The following VPS13D variants were observed in gnomAD, a reference collection of about 807,000 sequenced individuals.
VPS13D encodes the protein vacuolar protein sorting 13 homolog D, also known as intermembrane lipid transfer protein VPS13D.
A neutral mutation model predicts 461.9 loss-of-function variants in VPS13D; 187 were observed. The observed-to-expected ratio is 0.40, with a 90% CI of 0.36 to 0.46. VPS13D has a LOEUF of 0.46. Ranked by LOEUF, VPS13D falls within the 20% of genes least tolerant of loss-of-function variation. The probability of loss-of-function intolerance (pLI) is 0.60; values close to 1 mark genes in which losing one functional copy is unlikely to be tolerated. For synonymous variants in VPS13D, 1,951 were observed against 1,986.3 expected (o/e 0.98, Z 0.47); for missense variants, 4,711 against 5,364.9 (o/e 0.88, Z 3.81).
Position 12,364,683 on chromosome 1 carries a change from C to T in VPS13D, c.10448+1436C>T, listed in dbSNP as rs147449705. Reference sequence around the variant, plus strand: ...TGACACAAGCCTTAAGTGATAGTCCCGCCTCTGTATAATGGGTATGAGGTG... The same window carrying T: ...TGACACAAGCCTTAAGTGATAGTCCTGCCTCTGTATAATGGGTATGAGGTG... On this transcript the variant is annotated intron_variant, in intron 52 of 69. Transcript: ENST00000620676. Among the ~76,000 whole-genome samples the T allele has an allele frequency of 8.5e-4, 130 of 152,284 alleles. 2 individuals are homozygous for T. Among genetic ancestry groups the T allele is most frequent in the African/African-American group, 3.0e-3 (126 of 41,552 alleles).
rs1640477829 is a variant in VPS13D, at chr1:12,244,379, G to A, written c.309G>A (p.Lys103=). The change falls in exon 4 of 70, where the codon AAG becomes AAA. Residue 103 remains lysine, a synonymous_variant. Coordinates refer to ENST00000620676, the MANE Select transcript of VPS13D (RefSeq NM_015378.4). ...KIQDFNDEKE[K]LLERERKKAL... The stretch of plus-strand genomic sequence containing the variant: ...AGGATTTCAATGATGAAAAGGAGAA[G>A]CTGTTGGAAAGGGAACGTAAGAAAG... The A allele has an allele frequency of 6.2e-7, 1 of 1,614,066 alleles. No homozygotes were observed. Among genetic ancestry groups the A allele is most frequent in the Non-Finnish European group, 8.5e-7 (1 of 1,180,036 alleles).
chr1:12,490,552 A>G (rs1370018062), intron 67 of VPS13D, among the ~76,000 whole-genome samples: 1 of 152,216 alleles, frequency 6.6e-6, no homozygotes, highest in East Asian at 1.9e-4. Context: ...GGCCAAGAGG[A>G]GGGAGCTACA....
intron 57 of VPS13D, among the ~76,000 whole-genome samples, chr1:12,381,968 T>G (rs868734760): frequency 7.1e-6 from 1 of 141,656 alleles, no homozygotes; most frequent in Non-Finnish European, 1.5e-5. Flanking sequence ...CTTTCTTTCT[T>G]TCTTTCTTTC....
chr1:12,397,565 A>G lies in VPS13D; in HGVS notation c.11635-2616A>G, dbSNP rs535438296. ...TTCAGTCCATTCTTACTGAGCATCA[A>G]GTGTGTGCCCGACACTGTACTAGGT... On this transcript the variant is annotated intron_variant, in intron 60 of 69. Coordinates refer to ENST00000620676, the MANE Select transcript of VPS13D (RefSeq NM_015378.4). 3.9e-5 allele frequency among the ~76,000 whole-genome samples: 6 copies of G among 152,318 alleles called. No homozygotes were observed. In the East Asian group the frequency reaches 5.8e-4, roughly 15 times the overall value.
chr1:12,234,021 C>G (rs1014029722), intron 1 of VPS13D, among the ~76,000 whole-genome samples, 170 bp from the exon 2 acceptor site: 3 of 152,198 alleles, frequency 2.0e-5, no homozygotes, highest in African/African-American at 4.8e-5. Flanking sequence ...GCACCCCAGC[C>G]TGGGTGACGA....
intron 67 of VPS13D, among the ~76,000 whole-genome samples, chr1:12,479,382 A>G (rs984641250): frequency 2.6e-5 from 4 of 152,186 alleles, no homozygotes; most frequent in Non-Finnish European, 5.9e-5. Flanking sequence ...TCACTTCCAG[A>G]TTGCTGCTTG....
chr1:12,386,754 A>C (rs1333557810), intron 60 of VPS13D, among the ~76,000 whole-genome samples: 1 of 152,252 alleles, frequency 6.6e-6, no homozygotes, highest in Non-Finnish European at 1.5e-5. Context: ...ATCCAGATAA[A>C]TAAGAAGACA....
intron 67 of VPS13D, chr1:12,464,805 A>G (rs1427068995): frequency 2.6e-5 from 4 of 152,242 alleles, no homozygotes; most frequent in Non-Finnish European, 4.4e-5. Flanking sequence ...TGTTCACTGT[A>G]CAAGTATGTG....
At chr1:12,270,785 G>A (rs774620338) in intron 16 of VPS13D, among the ~76,000 whole-genome samples, 25 of 152,012 alleles carry the variant, frequency 1.6e-4, no homozygotes, top group Non-Finnish European at 3.7e-4. Context: ...GCGTGATCAC[G>A]GCTCACTGCA....
At chr1:12,265,060 G>A (rs934696564) in intron 13 of VPS13D, among the ~76,000 whole-genome samples, 1 of 152,086 alleles carries the variant, frequency 6.6e-6, no homozygotes, top group Non-Finnish European at 1.5e-5. Flanking sequence ...GATGATGCCA[G>A]TACATCTGTT....
rs554276239 is a variant in VPS13D, at chr1:12,372,157, G to A, written c.10809-1593G>A. On this transcript the variant is annotated intron_variant, in intron 54 of 69. Transcript: ENST00000620676. ...CATCCTCAACCTCCTAGGATCAAAC[G>A]GTCCTCCTGCTTCAGCCTCTCTCAT... Among the ~76,000 whole-genome samples the A allele has an allele frequency of 2.4e-4, 36 of 152,174 alleles. No homozygotes were observed. The South Asian group carries it at 6.6e-3, about 28-fold the overall frequency.
rs1458137146 is a variant in VPS13D, at chr1:12,473,575, T to G, written c.12662+13179T>G. On this transcript the variant is annotated intron_variant, in intron 67 of 69. Coordinates refer to ENST00000620676, the MANE Select transcript of VPS13D (RefSeq NM_015378.4). The surrounding 1 kb of genome is among the most constrained non-coding windows in gnomAD (Gnocchi z 4.2). ...ATGCCTACCTCGGTGGGTGGTTACG[T>G]GGATTAAATTATATCATGTATATAA... Among the ~76,000 whole-genome samples the G allele has an allele frequency of 6.6e-6, 1 of 151,970 alleles. No homozygotes were observed. Among genetic ancestry groups the G allele is most frequent in the East Asian group, 1.9e-4 (1 of 5,192 alleles).
At chr1:12,272,425 G>GTC (rs1641474898) in intron 17 of VPS13D, among the ~76,000 whole-genome samples, 2 of 151,646 alleles carry the variant, frequency 1.3e-5, no homozygotes, top group East Asian at 3.9e-4. Flanking sequence ...GTGTGTGTGT[G>GTC]TGTGTTTCTA....
chr1:12,407,242 T>G (rs536418787), intron 63 of VPS13D: 2 of 152,280 alleles, frequency 1.3e-5, no homozygotes, highest in African/African-American at 2.4e-5. Context: ...CTTTAAAGAA[T>G]GAATTCCAGA....
intron 67 of VPS13D, among the ~76,000 whole-genome samples, chr1:12,479,745 C>CA (rs1301730654): frequency 6.6e-6 from 1 of 152,124 alleles, no homozygotes; most frequent in African/African-American, 2.4e-5. Context: ...AGCATCTGAC[C>CA]AAGTGTTAGG....
chr1:12,356,810 A>C (rs1643889761), intron 49 of VPS13D, among the ~76,000 whole-genome samples: 1 of 152,246 alleles, frequency 6.6e-6, no homozygotes. Context: ...GAAAGCCACG[A>C]GTTCTCCTTC....
chr1:12,322,830 A>G, intron 34 of VPS13D, 84 bp downstream of exon 34: 1 of 1,165,760 alleles, frequency 8.6e-7, no homozygotes, highest in Non-Finnish European at 1.2e-6. Context: ...TTGCACAACT[A>G]AATTGTACAC....
At chr1:12,438,008 C>G (rs901075776) in intron 65 of VPS13D, among the ~76,000 whole-genome samples, 2 of 152,176 alleles carry the variant, frequency 1.3e-5, no homozygotes, top group East Asian at 1.9e-4. Context: ...TGGATATACT[C>G]TCCTAGCCCT....
intron 67 of VPS13D, among the ~76,000 whole-genome samples, chr1:12,489,685 G>C (rs965619495): frequency 6.6e-6 from 1 of 152,142 alleles, no homozygotes; most frequent in Admixed American, 6.5e-5. Flanking sequence ...AGGGTTCCTC[G>C]TGTGCACCCA....
Sources: gnomAD v4.1 joint callset for allele counts (sites outside exome capture counted in the v4.1 genomes callset) on GRCh38, gnomAD v4.1.1 for gene constraint, Gnocchi (gnomAD v3.1) non-coding constraint, MANE v1.5 for transcripts, NCBI Gene and HGNC (gene_info 2026-07-23, HGNC 2026-07-21) for gene names.